The following RIN3 variants were observed in gnomAD, a reference collection of about 807,000 sequenced individuals.
RIN3 encodes the protein Ras and Rab interactor 3, also known as RAB5 interacting protein 3.
A neutral mutation model predicts 76.3 loss-of-function variants in RIN3; 54 were observed. The observed-to-expected ratio is 0.71, with a 90% CI of 0.57 to 0.89. The LOEUF is 0.89. Ranked by LOEUF, RIN3 falls within the 40% of genes least tolerant of loss-of-function variation. RIN3 has a pLI of 0.00. For synonymous variants in RIN3, 576 were observed against 564.0 expected (o/e 1.02, Z -0.30); for missense variants, 1,256 against 1,322.1 (o/e 0.95, Z 0.78).
intron 3 of RIN3, among the ~76,000 whole-genome samples, chr14:92,611,407 C>T (rs1277846774): frequency 6.6e-6 from 1 of 152,206 alleles, no homozygotes; most frequent in African/African-American, 2.4e-5. Flanking sequence ...CCCCGAGGCA[C>T]CTGCTACCAC....
intron 1 of RIN3, among the ~76,000 whole-genome samples, chr14:92,547,994 G>A (rs1470916230): frequency 2.0e-5 from 3 of 152,132 alleles, no homozygotes; most frequent in Middle Eastern, 3.2e-3. Context: ...ATGAGTCACC[G>A]CACCTGGCCT....
intron 2 of RIN3, among the ~76,000 whole-genome samples, chr14:92,559,157 G>A (rs977044755): frequency 4.6e-5 from 7 of 152,116 alleles, no homozygotes; most frequent in African/African-American, 1.2e-4. Context: ...GTGAGCCACC[G>A]TGCCCGGCCC....
chr14:92,669,152 T>C (rs1256877157), intron 7 of RIN3, among the ~76,000 whole-genome samples: 1 of 152,212 alleles, frequency 6.6e-6, no homozygotes, highest in Non-Finnish European at 1.5e-5. Flanking sequence ...AAACACCTAC[T>C]ATAGACCAGG....
At chr14:92,637,743 A>G (rs1886826523) in intron 4 of RIN3, among the ~76,000 whole-genome samples, 1 of 152,246 alleles carries the variant, frequency 6.6e-6, no homozygotes. Context: ...AGTGACTGAT[A>G]AGGCTTAACA....
chr14:92,688,257 C>T lies in RIN3; in HGVS notation c.*5C>T, dbSNP rs1888955252. 3 of 1,567,530 alleles carry T rather than the reference C, an allele frequency of 1.9e-6. No homozygotes were observed. Among genetic ancestry groups the T allele is most frequent in the Non-Finnish European group, 2.6e-6 (3 of 1,159,060 alleles). On this transcript the variant is annotated 3_prime_UTR_variant, in exon 10 of 10. Coordinates refer to ENST00000216487, the MANE Select transcript of RIN3 (RefSeq NM_024832.5). ...CGGGAGCCCAACTTCCTGTGAGGCC[C>T]TCCCGGGGCGCCTCCCCTCACCCCC...
chr14:92,630,699 A>G (rs1886543639), intron 4 of RIN3, among the ~76,000 whole-genome samples: 1 of 152,166 alleles, frequency 6.6e-6, no homozygotes, highest in Non-Finnish European at 1.5e-5. Context: ...TCAAACTCCC[A>G]GGGTACCCTT....
intron 3 of RIN3, among the ~76,000 whole-genome samples, chr14:92,589,626 C>T (rs1884908215): frequency 6.6e-6 from 1 of 152,150 alleles, no homozygotes; most frequent in Non-Finnish European, 1.5e-5. Flanking sequence ...TCTCACTAAG[C>T]CTTGGCTTTC....
chr14:92,617,588 C>G (rs937870080), intron 4 of RIN3, among the ~76,000 whole-genome samples: 1 of 152,172 alleles, frequency 6.6e-6, no homozygotes. Flanking sequence ...TACAGCCCAA[C>G]AGGGAAACTA....
intron 4 of RIN3, among the ~76,000 whole-genome samples, chr14:92,635,760 G>A (rs1163177151): frequency 1.3e-5 from 2 of 152,160 alleles, no homozygotes; most frequent in African/African-American, 2.4e-5. Context: ...GACTGAGGCA[G>A]GAGAATCGCT....
At chr14:92,527,751 C>G (rs1896780502) in intron 1 of RIN3, among the ~76,000 whole-genome samples, 1 of 152,166 alleles carries the variant, frequency 6.6e-6, no homozygotes, top group African/African-American at 2.4e-5. Flanking sequence ...AATGGAATCA[C>G]AGTGTGTCAC....
chr14:92,604,597 TC>T (rs1284212725), intron 3 of RIN3, among the ~76,000 whole-genome samples: 1 of 152,078 alleles, frequency 6.6e-6, no homozygotes, highest in Non-Finnish European at 1.5e-5. Context: ...CTTCCTTGTG[TC>T]CCCGATAACA....
chr14:92,587,549 G>A (rs1043002411), intron 3 of RIN3, among the ~76,000 whole-genome samples: 16 of 152,198 alleles, frequency 1.1e-4, no homozygotes, highest in African/African-American at 3.9e-4. Context: ...AAAAGGGAGA[G>A]ATGAGGGAAA....
intron 7 of RIN3, among the ~76,000 whole-genome samples, chr14:92,672,567 G>T (rs561175686): frequency 1.3e-5 from 2 of 152,312 alleles, no homozygotes; most frequent in East Asian, 3.9e-4. Flanking sequence ...ACAAGCCCTG[G>T]CAGGGAGGGG....
chr14:92,643,340 C>G lies in RIN3; in HGVS notation c.532+2011C>G, dbSNP rs1344939579. 6.6e-6 allele frequency among the ~76,000 whole-genome samples: 1 copy of G among 152,206 alleles called. No individual in the cohort carries two copies. Among genetic ancestry groups the G allele is most frequent in the African/African-American group, 2.4e-5 (1 of 41,450 alleles). On this transcript the variant is annotated intron_variant, in intron 5 of 9. Transcript: ENST00000216487. The surrounding 1 kb of genome is among the most constrained non-coding windows in gnomAD (Gnocchi z 4.8). ...GTGCTGGGATTACAGGCGTGAGCCA[C>G]CACACCCGGCCGCCTCTTAGCTCTT...
chr14:92,532,475 AC>A (rs936622938), intron 1 of RIN3, among the ~76,000 whole-genome samples: 10 of 152,136 alleles, frequency 6.6e-5, no homozygotes, highest in African/African-American at 2.4e-4. Context: ...CATTTTAGAC[AC>A]TGAAAGGCCA....
intron 1 of RIN3, among the ~76,000 whole-genome samples, chr14:92,531,818 C>T (rs565239287): frequency 2.6e-5 from 4 of 152,266 alleles, no homozygotes; most frequent in Admixed American, 1.3e-4. Flanking sequence ...TCCTCCCTAG[C>T]GTAGAAACAG....
At position 92,564,270 on chromosome 14, in the gene RIN3, C is replaced by T. The variant is rs182809263; in HGVS notation, c.249+8315C>T. Among the ~76,000 whole-genome samples, 36 of 152,294 alleles carry T rather than the reference C, an allele frequency of 2.4e-4. No individual in the cohort carries two copies. The East Asian group carries it at 6.7e-3, about 29-fold the overall frequency. On this transcript the variant is annotated intron_variant, in intron 2 of 9. Transcript: ENST00000216487. ...AGGGGAGCGTGGTGGCTGCATAATT[C>T]TCTCCCTAAGCATATTCTGTCCCAG...
intron 3 of RIN3, among the ~76,000 whole-genome samples, chr14:92,584,784 G>A (rs1884707710): frequency 6.6e-6 from 1 of 152,122 alleles, no homozygotes; most frequent in Admixed American, 6.5e-5. Context: ...TTCATTGATG[G>A]GCTTTGAAGA....
rs1009703159 is a variant in RIN3 at position 92,623,568 on chromosome 14, C to T, written c.440+8089C>T. ...ATTTCATCTACATAGACATGAGAGT[C>T]GAAAGATCCTTGAGGGGCCTCTCTT... On this transcript the variant is annotated intron_variant, in intron 4 of 9. Coordinates refer to ENST00000216487, the MANE Select transcript of RIN3 (RefSeq NM_024832.5). The surrounding 1 kb of genome is among the most constrained non-coding windows in gnomAD (Gnocchi z 4.9). 6.6e-6 allele frequency among the ~76,000 whole-genome samples: 1 copy of T among 152,146 alleles called. No individual in the cohort carries two copies. The highest frequency in any genetic ancestry group is 2.1e-4 in the South Asian group (1 of 4,828).
Sources: allele counts gnomAD v4.1 joint callset (sites outside exome capture counted in the v4.1 genomes callset), GRCh38; gene constraint gnomAD v4.1.1; non-coding constraint Gnocchi (gnomAD v3.1); transcripts MANE v1.5; gene names NCBI Gene and HGNC (gene_info 2026-07-23, HGNC 2026-07-21).